Variants in PFKFB4 observed in about 807,000 individuals in gnomAD.
PFKFB4 encodes the protein 6-phosphofructo-2-kinase/fructose-2,6-bisphosphatase 4.
Under a neutral mutation model 62.8 loss-of-function variants are expected in PFKFB4, and 42 were observed. That is an observed-to-expected ratio of 0.67 (90% CI 0.52 to 0.86). The LOEUF (loss-of-function observed/expected upper bound fraction) is 0.86, where lower values mean the gene tolerates loss of function less well. Among genes scored for constraint, PFKFB4 ranks in the 40% least tolerant of loss-of-function variants. PFKFB4 has a pLI of 0.00. For synonymous variants in PFKFB4, 204 were observed against 240.7 expected (o/e 0.85, Z 1.41); for missense variants, 475 against 627.2 (o/e 0.76, Z 2.59).
rs1023775186 is a variant in PFKFB4 at position 48,523,544 on chromosome 3, C to T, written c.1278G>A (p.Val426=). The T allele has an allele frequency of 1.2e-6, 2 of 1,613,968 alleles. No homozygotes were observed. The highest frequency in any genetic ancestry group is 1.7e-6 in the Non-Finnish European group (2 of 1,179,894). The change falls in exon 12 of 14, where the codon GTG becomes GTA. Residue 426 remains valine (V), a synonymous_variant. Coordinates refer to ENST00000232375, the MANE Select transcript of PFKFB4 (RefSeq NM_004567.4). ...PLHTVLKLTP[V]AYGCKVESIF... ...TGCAGGAAGCTTCCTTACCATATGC[C>T]ACAGGAGTCAGCTTCAGGACTGTGT...
At position 48,519,563 on chromosome 3, in the gene PFKFB4, C is replaced by T. The variant is rs2042024148; in HGVS notation, c.*184G>A. 6 of 588,232 alleles carry T rather than the reference C, an allele frequency of 1.0e-5. No individual in the cohort carries two copies. The highest frequency in any genetic ancestry group is 1.8e-5 in the Non-Finnish European group (6 of 327,182). The allele number at this position is 588,232 out of a possible 1,614,324, so 36.4% of individuals were successfully genotyped here. A position where few individuals can be genotyped will look rare whatever the true frequency, so the allele number is the denominator to read the frequency against. On this transcript the variant is annotated 3_prime_UTR_variant, in exon 14 of 14. Coordinates refer to ENST00000232375, the MANE Select transcript of PFKFB4 (RefSeq NM_004567.4). ...CAGCAGGTCAGGAGCCACGCACAAC[C>T]TTGTCGCCGACTGTCAACAAAGAGC...
upstream of PFKFB4, chr3:48,562,426 A>T (rs1575411356): frequency 3.5e-6 from 1 of 282,796 alleles, no homozygotes; most frequent in Admixed American, 4.7e-5. The surrounding 1 kb of genome is among the most constrained non-coding windows in gnomAD (Gnocchi z 4.3). Context: ...ACTATGGGGC[A>T]CCCAGACATA....
rs187365361 is a variant in PFKFB4, at chr3:48,551,459, C to T, written c.98-1225G>A. Among the ~76,000 whole-genome samples the T allele has an allele frequency of 2.7e-3, 378 of 141,148 alleles. 1 individual carries two copies. Among genetic ancestry groups the T allele is most frequent in the Admixed American group, 9.0e-3 (123 of 13,670 alleles). 92.6% of individuals were successfully genotyped at this position (141,148 alleles called of 152,430 possible). On this transcript the variant is annotated intron_variant, in intron 1 of 13. Coordinates refer to ENST00000232375, the MANE Select transcript of PFKFB4 (RefSeq NM_004567.4). Reference sequence around the variant, plus strand: ...TCAAAACTCCTGACCTCAGGTGATCCGACTGCCTGGGCCTCCCAAAGTGCT... The same window carrying T: ...TCAAAACTCCTGACCTCAGGTGATCTGACTGCCTGGGCCTCCCAAAGTGCT...
chr3:48,538,478 C>A lies in PFKFB4; in HGVS notation c.632+20G>T. On this transcript the variant is annotated intron_variant, in intron 7 of 13. Coordinates refer to ENST00000232375, the MANE Select transcript of PFKFB4 (RefSeq NM_004567.4). ...CCGCCCACCATCACAGCTGCAGGGC[C>A]TGGCGCTGCCCTGACTCACCTATCC... The A allele has an allele frequency of 6.2e-7, 1 of 1,612,784 alleles. No individual in the cohort carries two copies. Among genetic ancestry groups the A allele is most frequent in the Non-Finnish European group, 8.5e-7 (1 of 1,179,634 alleles).
At chr3:48,550,966 G>C (rs969775909) in intron 1 of PFKFB4, among the ~76,000 whole-genome samples, 2 of 152,206 alleles carry the variant, frequency 1.3e-5, no homozygotes, top group African/African-American at 4.8e-5. Flanking sequence ...GAGGCATCTA[G>C]AAGTCTCTCA....
In PFKFB4 at chr3:48,538,480, G is replaced by T; in HGVS notation, c.632+18C>A. On this transcript the variant is annotated intron_variant, in intron 7 of 13. Coordinates refer to ENST00000232375, the MANE Select transcript of PFKFB4 (RefSeq NM_004567.4). The stretch of plus-strand genomic sequence containing the variant: ...GCCCACCATCACAGCTGCAGGGCCT[G>T]GCGCTGCCCTGACTCACCTATCCAG... 1 of 1,612,902 alleles carries T rather than the reference G, an allele frequency of 6.2e-7. No homozygotes were observed.
intron 3 of PFKFB4, among the ~76,000 whole-genome samples, chr3:48,547,536 G>A (rs988895533): frequency 6.6e-6 from 1 of 152,090 alleles, no homozygotes; most frequent in Non-Finnish European, 1.5e-5. Context: ...GCACAGAGAC[G>A]CAATCTTGGC....
intron 12 of PFKFB4, 149 bp downstream of exon 12, chr3:48,523,388 A>C: frequency 1.3e-6 from 1 of 778,640 alleles, no homozygotes; most frequent in Non-Finnish European, 2.1e-6. Flanking sequence ...CGTCTCAAAG[A>C]AAAAAAGCAA....
In PFKFB4 at chr3:48,556,531, C is replaced by T; in HGVS notation, c.97+150G>A. 1 of 926,082 alleles carries T rather than the reference C, an allele frequency of 1.1e-6. No individual in the cohort carries two copies. Among genetic ancestry groups the T allele is most frequent in the Non-Finnish European group, 1.6e-6 (1 of 627,328 alleles). 57.4% of individuals were successfully genotyped at this position (926,082 alleles called of 1,614,324 possible). On this transcript the variant is annotated intron_variant, in intron 1 of 13. Transcript: ENST00000232375. The surrounding 1 kb of genome is among the most constrained non-coding windows in gnomAD (Gnocchi z 5.7). ...CCACTGTCACGACCGCCTCACCTGT[C>T]CCCAGCAGCCTCCCCAGTCACGGCA... is the stretch of plus-strand genomic sequence containing the variant.
chr3:48,525,663 A>G lies in PFKFB4; in HGVS notation c.994T>C (p.Cys332Arg). The change falls in exon 10 of 14, where the codon TGT becomes CGT. Residue 332 changes from cysteine to arginine, a missense_variant. Cys to Arg is a radical substitution (Grantham distance 180). Coordinates refer to ENST00000232375, the MANE Select transcript of PFKFB4 (RefSeq NM_004567.4). ...KVLNEIDAGV[C>R]EEMTYEEIQD... Reference sequence around the variant, plus strand: ...ATTTCCTCGTAGGTCATTTCCTCACAGACGCCCTAGGGAGATACCACAGTC... The same window carrying G: ...ATTTCCTCGTAGGTCATTTCCTCACGGACGCCCTAGGGAGATACCACAGTC... The G allele has an allele frequency of 6.3e-7, 1 of 1,598,646 alleles. No homozygotes were observed. The highest frequency in any genetic ancestry group is 1.3e-5 in the African/African-American group (1 of 74,450).
chr3:48,541,791 C>A (rs994556448), intron 4 of PFKFB4, among the ~76,000 whole-genome samples: 5 of 152,088 alleles, frequency 3.3e-5, no homozygotes, highest in African/African-American at 9.7e-5. Context: ...CAAGGTGAAA[C>A]CCTGTCTCTG....
intron 8 of PFKFB4, 86 bp from the exon 9 acceptor site, chr3:48,535,744 C>T: frequency 6.6e-7 from 1 of 1,509,864 alleles, no homozygotes. Flanking sequence ...ATGAGATCAC[C>T]CTCGCCTTGA....
intron 9 of PFKFB4, among the ~76,000 whole-genome samples, chr3:48,531,567 C>A (rs1237255346): frequency 6.6e-6 from 1 of 151,516 alleles, no homozygotes; most frequent in African/African-American, 2.4e-5. Flanking sequence ...GTGATCTGCC[C>A]ACCTTGGCCT....
intron 9 of PFKFB4, among the ~76,000 whole-genome samples, chr3:48,533,751 G>C (rs2042503563): frequency 6.6e-6 from 1 of 152,204 alleles, no homozygotes; most frequent in African/African-American, 2.4e-5. Context: ...CTACTCTGGA[G>C]GCTGAGGCAC....
intron 12 of PFKFB4, among the ~76,000 whole-genome samples, chr3:48,522,823 C>T (rs1376000279): frequency 6.6e-6 from 1 of 150,904 alleles, no homozygotes; most frequent in Non-Finnish European, 1.5e-5. Flanking sequence ...TGCAGTGGTG[C>T]GATCTCGGCT....
chr3:48,527,334 C>T, intron 9 of PFKFB4, among the ~76,000 whole-genome samples: 1 of 148,782 alleles, frequency 6.7e-6, no homozygotes, highest in African/African-American at 2.5e-5. Flanking sequence ...GGCTGGAGTC[C>T]AGTGGTGTGA....
intron 1 of PFKFB4, among the ~76,000 whole-genome samples, chr3:48,554,907 G>A (rs1221361548): frequency 2.0e-5 from 3 of 151,932 alleles, no homozygotes; most frequent in East Asian, 3.9e-4. Flanking sequence ...AAAATTAGCC[G>A]GCCATGGTGG....
In PFKFB4 at chr3:48,518,998, C is replaced by T. The variant is rs2042002865; in HGVS notation, c.*749G>A. 1 of 152,256 alleles carries T rather than the reference C, an allele frequency of 6.6e-6. No homozygotes were observed. The highest frequency in any genetic ancestry group is 1.5e-5 in the Non-Finnish European group (1 of 68,086). The allele number at this position is 152,256 out of a possible 1,614,324, so 9.4% of individuals were successfully genotyped here. On this transcript the variant is annotated 3_prime_UTR_variant, in exon 14 of 14. Transcript: ENST00000232375. ...GCAGGCCTGAAGGGGCACCCCTGGCCACCAGCTCCCCTAAGCATACCTAAG... is the reference window on the plus strand; with the variant it reads ...GCAGGCCTGAAGGGGCACCCCTGGCTACCAGCTCCCCTAAGCATACCTAAG...
intron 1 of PFKFB4, among the ~76,000 whole-genome samples, chr3:48,551,218 T>A (rs895296588): frequency 6.7e-6 from 1 of 149,676 alleles, no homozygotes; most frequent in Non-Finnish European, 1.5e-5. Context: ...ACTTTTCTTT[T>A]TTTTTTTTTT....
Sources: gnomAD v4.1 joint callset for allele counts (sites outside exome capture counted in the v4.1 genomes callset) on GRCh38, gnomAD v4.1.1 for gene constraint, Gnocchi (gnomAD v3.1) non-coding constraint, MANE v1.5 for transcripts, NCBI Gene and HGNC (gene_info 2026-07-23, HGNC 2026-07-21) for gene names.